Variants in SPOCK3 observed in about 807,000 individuals in gnomAD.
The protein encoded by SPOCK3 is testican-3.
A neutral mutation model predicts 56.6 loss-of-function variants in SPOCK3; 30 were observed. The observed-to-expected ratio is 0.53, with a 90% CI of 0.40 to 0.72. The LOEUF is 0.72. Among genes scored for constraint, SPOCK3 ranks in the 30% least tolerant of loss-of-function variants. The pLI is 0.00. For synonymous variants in SPOCK3, 196 were observed against 183.3 expected, an observed-to-expected ratio of 1.07 and a Z score of -0.56; for missense variants, 527 against 530.0, an observed-to-expected ratio of 0.99 and a Z score of 0.06.
At chr4:167,055,472 C>G (rs1416696713) in intron 3 of SPOCK3, among the ~76,000 whole-genome samples, 1 of 152,110 alleles carries the variant, frequency 6.6e-6, no homozygotes, top group Admixed American at 6.5e-5. Flanking sequence ...GTGCAGCACA[C>G]CGTGCGCGAG....
intron 4 of SPOCK3, among the ~76,000 whole-genome samples, chr4:166,921,808 C>CCAT (rs1738518343): frequency 6.6e-6 from 1 of 152,140 alleles, no homozygotes; most frequent in Non-Finnish European, 1.5e-5. Flanking sequence ...GTTCTATGAA[C>CCAT]TGAATCAGGT....
chr4:166,813,327 G>A (rs577243119), intron 6 of SPOCK3, among the ~76,000 whole-genome samples: 11 of 151,970 alleles, frequency 7.2e-5, no homozygotes, highest in African/African-American at 1.4e-4. Context: ...GTCACACCCC[G>A]AGATTCAAAT....
At chr4:167,054,056 C>T (rs1351795944) in intron 3 of SPOCK3, among the ~76,000 whole-genome samples, 1 of 152,094 alleles carries the variant, frequency 6.6e-6, no homozygotes, top group East Asian at 1.9e-4. Flanking sequence ...GTTAGGAAAA[C>T]CTAGAAAGCA....
At chr4:167,173,787 T>A (rs1267844524) in intron 2 of SPOCK3, among the ~76,000 whole-genome samples, 2 of 152,112 alleles carry the variant, frequency 1.3e-5, no homozygotes, top group Non-Finnish European at 2.9e-5. Flanking sequence ...GGAGGATGAC[T>A]AGCAAGACTA....
intron 6 of SPOCK3, among the ~76,000 whole-genome samples, chr4:166,803,346 A>T (rs1439998087): frequency 2.6e-5 from 4 of 152,148 alleles, no homozygotes; most frequent in Admixed American, 2.6e-4. Context: ...TTCTGTACTG[A>T]AGGCATTTTG....
At chr4:166,843,158 C>G (rs182908512) in intron 6 of SPOCK3, among the ~76,000 whole-genome samples, 6 of 152,148 alleles carry the variant, frequency 3.9e-5, no homozygotes, top group African/African-American at 1.4e-4. Flanking sequence ...CACTGGCCCG[C>G]GAGTTCCTCT....
intron 6 of SPOCK3, among the ~76,000 whole-genome samples, chr4:166,811,170 T>C (rs1454808362): frequency 6.6e-6 from 1 of 151,880 alleles, no homozygotes; most frequent in Non-Finnish European, 1.5e-5. Flanking sequence ...CTTTTGTCTT[T>C]TGTAATCCTC....
intron 4 of SPOCK3, among the ~76,000 whole-genome samples, chr4:166,946,943 T>C (rs1020916550): frequency 6.6e-6 from 1 of 152,162 alleles, no homozygotes; most frequent in Non-Finnish European, 1.5e-5. Context: ...TAAAATATTT[T>C]GATTTAAGAT....
intron 2 of SPOCK3, among the ~76,000 whole-genome samples, chr4:167,188,128 C>T (rs543265836): frequency 7.2e-6 from 1 of 139,784 alleles, no homozygotes; most frequent in African/African-American, 2.8e-5. Flanking sequence ...AGGTTCACGA[C>T]TGAAAGAATT....
Position 167,205,291 on chromosome 4 carries a change from ATATCTATAATATATAT to A in SPOCK3, c.189+28678_189+28693del, listed in dbSNP as rs1261055277. 7.0e-3 allele frequency among the ~76,000 whole-genome samples: 347 copies of A among 49,246 alleles called. 6 individuals carry two copies. The highest frequency in any genetic ancestry group is 0.021 in the African/African-American group (308 of 14,326). 32.3% of individuals were successfully genotyped at this position (49,246 alleles called of 152,430 possible). ...CTATAATATATATTATATATATTTT[ATATCTATAATATATAT>A]TATATATTTTATATATATAATATAT... On this transcript the variant is annotated intron_variant, in intron 2 of 10. Transcript: ENST00000357545.
At chr4:166,914,123 C>T (rs529173788) in intron 4 of SPOCK3, among the ~76,000 whole-genome samples, 3 of 151,550 alleles carry the variant, frequency 2.0e-5, no homozygotes, top group Admixed American at 6.6e-5. Context: ...TCAAACAAGA[C>T]ATGAAATTAC....
chr4:167,182,918 T>C (rs555640009), intron 2 of SPOCK3, among the ~76,000 whole-genome samples: 3 of 152,302 alleles, frequency 2.0e-5, no homozygotes, highest in Admixed American at 6.5e-5. Flanking sequence ...ATCCTGTCCA[T>C]GGCATCATCA....
intron 4 of SPOCK3, among the ~76,000 whole-genome samples, chr4:166,941,110 T>G (rs1025188526): frequency 1.2e-4 from 18 of 152,084 alleles, no homozygotes; most frequent in Admixed American, 1.1e-3. Flanking sequence ...ATCAGCACAG[T>G]CACGTTTGGT....
Position 167,217,917 on chromosome 4 carries a change from T to TA in SPOCK3, c.189+16067dup, listed in dbSNP as rs35737044. 3.0e-3 allele frequency among the ~76,000 whole-genome samples: 440 copies of TA among 145,732 alleles called. 6 individuals carry two copies. In the East Asian group the frequency reaches 0.032, roughly 11 times the overall value. On this transcript the variant is annotated intron_variant, in intron 2 of 10. Coordinates refer to ENST00000357545, the MANE Select transcript of SPOCK3 (RefSeq NM_001040159.2). ...ATTTAAATATACAGTTTCATTAAAGTAAAAAAAAAAAGTTAAACCCACAAA... is the reference window on the plus strand; with the variant it reads ...ATTTAAATATACAGTTTCATTAAAGTAAAAAAAAAAAAGTTAAACCCACAAA...
chr4:167,146,418 C>A (rs1763962744), intron 2 of SPOCK3, among the ~76,000 whole-genome samples: 1 of 152,108 alleles, frequency 6.6e-6, no homozygotes. Flanking sequence ...AGAAAATTAA[C>A]AAGGATATCC....
chr4:167,101,182 G>A (rs774604175), intron 2 of SPOCK3, among the ~76,000 whole-genome samples: 4 of 152,054 alleles, frequency 2.6e-5, no homozygotes, highest in Non-Finnish European at 4.4e-5. Context: ...CATGGAGTAG[G>A]TGTCCATCTG....
At chr4:166,980,623 C>T (rs189702015) in intron 4 of SPOCK3, among the ~76,000 whole-genome samples, 247 of 152,324 alleles carry the variant, frequency 1.6e-3, no homozygotes, top group Non-Finnish European at 2.8e-3. Flanking sequence ...GCGTGGGGTC[C>T]GGCCACTGTG....
chr4:167,111,204 A>C (rs1309782120), intron 2 of SPOCK3, among the ~76,000 whole-genome samples: 1 of 152,126 alleles, frequency 6.6e-6, no homozygotes, highest in Non-Finnish European at 1.5e-5. Context: ...ATTCACAACT[A>C]AAAACTGGTG....
chr4:167,202,986 A>G (rs1246317165), intron 2 of SPOCK3, among the ~76,000 whole-genome samples: 1 of 151,750 alleles, frequency 6.6e-6, no homozygotes, highest in African/African-American at 2.4e-5. Flanking sequence ...AATAATAATC[A>G]TGTTCTTTTG....
Sources: allele counts gnomAD v4.1 joint callset (sites outside exome capture counted in the v4.1 genomes callset), GRCh38; gene constraint gnomAD v4.1.1; transcripts MANE v1.5; gene names NCBI Gene and HGNC (gene_info 2026-07-23, HGNC 2026-07-21).